The following UGT1A9 variants were observed in gnomAD, a reference collection of about 807,000 sequenced individuals.
UGT1A9 encodes UDP-glucuronosyltransferase 1A9.
Under a neutral mutation model 45.0 loss-of-function variants are expected in UGT1A9, and 35 were observed. That is an observed-to-expected ratio of 0.78 (90% confidence interval 0.59 to 1.03). UGT1A9 has a LOEUF of 1.03. UGT1A9 is among the 50% of genes least tolerant of loss of function. The pLI, the probability that UGT1A9 is intolerant of heterozygous loss-of-function variation, is 0.00. For synonymous variants in UGT1A9, 278 were observed against 250.6 expected (o/e 1.11, Z -1.03); for missense variants, 687 against 666.6 (o/e 1.03, Z -0.34).
chr2:233,706,576 G>A (rs550781896), intron 1 of UGT1A9, among the ~76,000 whole-genome samples: 1 of 152,280 alleles, frequency 6.6e-6, no homozygotes, highest in African/African-American at 2.4e-5. Context: ...GGGTAAGAGT[G>A]GAGATGGGAG....
chr2:233,716,724 T>C (rs908314091), intron 1 of UGT1A9, among the ~76,000 whole-genome samples: 3 of 152,214 alleles, frequency 2.0e-5, no homozygotes, highest in African/African-American at 7.2e-5. Flanking sequence ...TTCCAGTTTA[T>C]ATGTTTAGCT....
At chr2:233,678,560 G>C (rs541941089) in intron 1 of UGT1A9, among the ~76,000 whole-genome samples, 1 of 152,162 alleles carries the variant, frequency 6.6e-6, no homozygotes, top group Non-Finnish European at 1.5e-5. Context: ...CTTTTATACA[G>C]TACTAATCCT....
chr2:233,713,461 G>C, intron 1 of UGT1A9: 1 of 1,614,080 alleles, frequency 6.2e-7, no homozygotes, highest in Non-Finnish European at 8.5e-7. Context: ...TTTCACCTCT[G>C]CGCGGCGGTG....
At chr2:233,743,695 C>T (rs751572797) in intron 1 of UGT1A9, 1 of 1,367,334 alleles carries the variant, frequency 7.3e-7, no homozygotes, top group East Asian at 4.5e-5. Flanking sequence ...TGCAGCCGCC[C>T]TCCGCCCCCG....
chr2:233,712,940 C>G (rs367897859), intron 1 of UGT1A9: 1 of 1,612,388 alleles, frequency 6.2e-7, no homozygotes. Context: ...GGAAACAATT[C>G]TAGGAGGCAC....
At chr2:233,680,384 A>G (rs1029019017) in intron 1 of UGT1A9, among the ~76,000 whole-genome samples, 2 of 152,352 alleles carry the variant, frequency 1.3e-5, no homozygotes, top group African/African-American at 4.8e-5. Flanking sequence ...AGCTCCCTGC[A>G]ATAGCAACAG....
chr2:233,709,022 A>G (rs1052835676), intron 1 of UGT1A9, among the ~76,000 whole-genome samples: 2 of 152,110 alleles, frequency 1.3e-5, no homozygotes, highest in African/African-American at 4.8e-5. Context: ...CCCAAGCAGC[A>G]GGGGCTTCAG....
At position 233,682,363 on chromosome 2, in the gene UGT1A9, T is replaced by A. The variant is rs771594973; in HGVS notation, c.855+9574T>A. 78 of 1,614,020 alleles carry A rather than the reference T, an allele frequency of 4.8e-5. No individual in the cohort carries two copies. Among genetic ancestry groups the A allele is most frequent in the Non-Finnish European group, 6.4e-5 (75 of 1,179,982 alleles). On this transcript the variant is annotated intron_variant, in intron 1 of 4. Coordinates refer to ENST00000354728, the MANE Select transcript of UGT1A9 (RefSeq NM_021027.3). The stretch of plus-strand genomic sequence containing the variant: ...TAGAATACTTAAAGGAGAGTTGTTT[T>A]GATGCAGTGTTTCTCGATCCTTTTG...
At chr2:233,754,990 G>A (rs1695677105) in intron 1 of UGT1A9, 1 of 1,294,272 alleles carries the variant, frequency 7.7e-7, no homozygotes, top group Non-Finnish European at 1.0e-6. Context: ...GCGGGGTCAC[G>A]GAAGCTGAAG....
intron 1 of UGT1A9, chr2:233,690,481 G>C (rs1415950163): frequency 7.8e-7 from 1 of 1,288,704 alleles, no homozygotes; most frequent in Non-Finnish European, 1.0e-6. Flanking sequence ...TACTTTTTGG[G>C]AAATCTGCTC....
At chr2:233,757,535 A>AATATATATACATATACATACATATAT (rs376887521) in intron 1 of UGT1A9, among the ~76,000 whole-genome samples, 2 of 88,310 alleles carry the variant, frequency 2.3e-5, no homozygotes, top group African/African-American at 1.0e-4. Flanking sequence ...GCCTGTAAGG[A>AATATATATACATATACATACATATAT]ATATATATAT....
chr2:233,729,015 A>G, intron 1 of UGT1A9: 2 of 1,589,624 alleles, frequency 1.3e-6, no homozygotes, highest in Non-Finnish European at 1.7e-6. Context: ...CTGTCTTCCA[A>G]TTACACGTTG....
intron 1 of UGT1A9, among the ~76,000 whole-genome samples, chr2:233,727,242 A>C (rs2077595836): frequency 6.6e-6 from 1 of 152,070 alleles, no homozygotes. Flanking sequence ...CTCCAAGTCT[A>C]TCTGTGCAGC....
chr2:233,720,798 C>T (rs948904174), intron 1 of UGT1A9, among the ~76,000 whole-genome samples: 26 of 151,502 alleles, frequency 1.7e-4, no homozygotes, highest in African/African-American at 4.1e-4. Flanking sequence ...CTTCACCTCC[C>T]GGGTTTAAGA....
At chr2:233,703,805 ATCTCTG>A in intron 1 of UGT1A9, among the ~76,000 whole-genome samples, 1 of 137,048 alleles carries the variant, frequency 7.3e-6, no homozygotes, top group East Asian at 1.9e-4. Context: ...CAGTCTGATA[ATCTCTG>A]TCTTTTAATT....
intron 1 of UGT1A9, among the ~76,000 whole-genome samples, chr2:233,717,449 A>C (rs2076575928): frequency 6.6e-6 from 1 of 152,324 alleles, no homozygotes; most frequent in Admixed American, 6.5e-5. Flanking sequence ...GCATCCATTC[A>C]CTGCCTGTCC....
chr2:233,741,332 A>G (rs1691632779), intron 1 of UGT1A9, among the ~76,000 whole-genome samples: 1 of 151,816 alleles, frequency 6.6e-6, no homozygotes, highest in South Asian at 2.1e-4. Context: ...CTCTACCCAG[A>G]GTAGTGATTT....
At chr2:233,713,376 G>T (rs1400775742) in intron 1 of UGT1A9, 4 of 1,614,068 alleles carry the variant, frequency 2.5e-6, no homozygotes, top group Non-Finnish European at 3.4e-6. Flanking sequence ...TAGGTCTTGT[G>T]TGGAGCTACT....
intron 1 of UGT1A9, among the ~76,000 whole-genome samples, chr2:233,675,736 T>G (rs1310282086): frequency 6.6e-6 from 1 of 152,232 alleles, no homozygotes; most frequent in Non-Finnish European, 1.5e-5. Flanking sequence ...CTCTACTAAT[T>G]CATCTATCCC....
Sources: allele counts gnomAD v4.1 joint callset (sites outside exome capture counted in the v4.1 genomes callset), GRCh38; gene constraint gnomAD v4.1.1; transcripts MANE v1.5; gene names NCBI Gene and HGNC (gene_info 2026-07-23, HGNC 2026-07-21).